COG5: variants seen among roughly 807,000 people sequenced by gnomAD.
COG5 encodes the protein conserved oligomeric Golgi complex subunit 5.
In COG5, 86 loss-of-function variants were observed where a neutral mutation model predicts 110.4. The ratio of observed to expected loss-of-function variants is 0.78; its 90% confidence interval spans 0.65 to 0.93. The LOEUF (loss-of-function observed/expected upper bound fraction) is 0.93. COG5 is among the 40% of genes least tolerant of loss of function. The probability of loss-of-function intolerance (pLI) is 0.00; values close to 1 mark genes in which losing one functional copy is unlikely to be tolerated. For synonymous variants in COG5, 360 were observed against 334.6 expected, an observed-to-expected ratio of 1.08 and a Z score of -0.83; for missense variants, 1,077 against 987.0, an observed-to-expected ratio of 1.09 and a Z score of -1.22.
intron 5 of COG5, among the ~76,000 whole-genome samples, chr7:107,543,979 C>G (rs1343695921): frequency 6.6e-6 from 1 of 152,080 alleles, no homozygotes; most frequent in Non-Finnish European, 1.5e-5. Flanking sequence ...GTGGCCCAGT[C>G]TCCAGGCAAG....
At chr7:107,290,966 T>C (rs1185520002) in intron 12 of COG5, among the ~76,000 whole-genome samples, 1 of 152,174 alleles carries the variant, frequency 6.6e-6, no homozygotes, top group East Asian at 1.9e-4. Context: ...GATTGTATAG[T>C]TTTTCCCTTG....
intron 6 of COG5, chr7:107,449,960 G>A (rs953438258): frequency 1.3e-5 from 2 of 152,194 alleles, no homozygotes; most frequent in African/African-American, 4.8e-5. Context: ...CAAAAAGAAG[G>A]TAAAGGATCT....
At chr7:107,343,567 G>A (rs180888736) in intron 10 of COG5, among the ~76,000 whole-genome samples, 94 of 152,216 alleles carry the variant, frequency 6.2e-4, no homozygotes, top group Non-Finnish European at 1.2e-3. Context: ...TGCAGTCCCA[G>A]CTACTTGGGA....
chr7:107,382,578 T>C (rs533871392), intron 7 of COG5, among the ~76,000 whole-genome samples: 1 of 152,132 alleles, frequency 6.6e-6, no homozygotes, highest in Non-Finnish European at 1.5e-5. Flanking sequence ...GCTGGGAATA[T>C]AGGTGCCCAC....
intron 14 of COG5, among the ~76,000 whole-genome samples, chr7:107,271,924 G>A (rs551901373): frequency 7.0e-4 from 106 of 151,718 alleles, no homozygotes; most frequent in African/African-American, 2.5e-3. Context: ...CAATAGATTT[G>A]TTCTATTTTC....
At chr7:107,429,236 C>T (rs777308970) in intron 6 of COG5, among the ~76,000 whole-genome samples, 1 of 152,144 alleles carries the variant, frequency 6.6e-6, no homozygotes, top group Non-Finnish European at 1.5e-5. Context: ...AATAAAATAT[C>T]ATCTTGGAAG....
chr7:107,361,582 G>GATA (rs1223269378), intron 10 of COG5, among the ~76,000 whole-genome samples: 2 of 152,176 alleles, frequency 1.3e-5, no homozygotes, highest in African/African-American at 4.8e-5. Flanking sequence ...TTATTTTTGA[G>GATA]ATAGAGTTTC....
intron 6 of COG5, among the ~76,000 whole-genome samples, chr7:107,459,583 AC>A (rs1214022183): frequency 1.3e-5 from 2 of 152,012 alleles, no homozygotes; most frequent in African/African-American, 4.8e-5. Flanking sequence ...GATCCTTGAG[AC>A]CAGCAGTTTA....
intron 6 of COG5, among the ~76,000 whole-genome samples, chr7:107,447,282 C>T (rs1054940863): frequency 2.6e-4 from 40 of 152,162 alleles, no homozygotes; most frequent in African/African-American, 7.2e-4. Flanking sequence ...AAGTTCTCCA[C>T]TTTTAAGGTC....
chr7:107,345,350 C>A (rs1263750242), intron 10 of COG5, among the ~76,000 whole-genome samples: 1 of 151,944 alleles, frequency 6.6e-6, no homozygotes, highest in Non-Finnish European at 1.5e-5. Context: ...GAAAATGGCA[C>A]CAATAGGCTT....
chr7:107,208,186 G>T (rs1798909831), intron 21 of COG5: 2 of 985,390 alleles, frequency 2.0e-6, no homozygotes, highest in Non-Finnish European at 2.4e-6. Flanking sequence ...AACCCTGAAG[G>T]ACAGCTCAAT....
intron 1 of COG5, 42 bp from the exon 2 acceptor site, chr7:107,558,157 G>C: frequency 6.3e-7 from 1 of 1,591,440 alleles, no homozygotes; most frequent in Non-Finnish European, 8.6e-7. Context: ...TAATTACCCT[G>C]TACTAAACCA....
chr7:107,502,770 G>A (rs1369556578), intron 6 of COG5, among the ~76,000 whole-genome samples: 1 of 152,154 alleles, frequency 6.6e-6, no homozygotes, highest in Admixed American at 6.5e-5. Context: ...GATTAGGGAT[G>A]TTGAACATTT....
chr7:107,441,941 C>T (rs1794728258), intron 6 of COG5, among the ~76,000 whole-genome samples: 1 of 152,170 alleles, frequency 6.6e-6, no homozygotes, highest in African/African-American at 2.4e-5. Context: ...TGCTCTTTTC[C>T]TTCTAGCCCA....
chr7:107,347,739 A>C (rs1034542309), intron 10 of COG5, among the ~76,000 whole-genome samples: 2 of 152,198 alleles, frequency 1.3e-5, no homozygotes, highest in African/African-American at 4.8e-5. Context: ...AACTTAAAAA[A>C]ATTTTAACAT....
At chr7:107,444,771 T>C (rs575148369) in intron 6 of COG5, among the ~76,000 whole-genome samples, 11 of 152,312 alleles carry the variant, frequency 7.2e-5, no homozygotes, top group South Asian at 2.1e-4. Flanking sequence ...TGAATTGAAG[T>C]TGAGTAACAC....
chr7:107,366,561 A>C (rs909337831), intron 8 of COG5, among the ~76,000 whole-genome samples: 8 of 152,134 alleles, frequency 5.3e-5, no homozygotes, highest in African/African-American at 1.9e-4. Flanking sequence ...ATCCTAAAGA[A>C]GTCACTGAAC....
chr7:107,391,870 T>A (rs1325212162), intron 7 of COG5, among the ~76,000 whole-genome samples: 1 of 152,086 alleles, frequency 6.6e-6, no homozygotes, highest in Non-Finnish European at 1.5e-5. Context: ...GGAGGGCAGA[T>A]CACAAGGTCA....
intron 6 of COG5, among the ~76,000 whole-genome samples, chr7:107,448,812 A>G (rs548799797): frequency 6.6e-6 from 1 of 152,338 alleles, no homozygotes; most frequent in African/African-American, 2.4e-5. Flanking sequence ...CAACAATTTG[A>G]AAAAACTTGC....
Sources: gnomAD v4.1 joint callset for allele counts (sites outside exome capture counted in the v4.1 genomes callset) on GRCh38, gnomAD v4.1.1 for gene constraint, MANE v1.5 for transcripts, NCBI Gene and HGNC (gene_info 2026-07-23, HGNC 2026-07-21) for gene names.